Variants in RPIA observed in about 807,000 individuals in gnomAD.
The protein encoded by RPIA is ribose 5-phosphate isomerase A.
Under a neutral mutation model 37.8 loss-of-function variants are expected in RPIA, and 29 were observed. That is an observed-to-expected ratio of 0.77 (90% CI 0.57 to 1.05). RPIA has a LOEUF of 1.05. Ranked by LOEUF, RPIA falls within the 50% of genes least tolerant of loss-of-function variation. The pLI is 0.00. For missense variants in RPIA, 385 were observed against 413.6 expected, an observed-to-expected ratio of 0.93 and a Z score of 0.60; for synonymous variants, 167 against 157.0, an observed-to-expected ratio of 1.06 and a Z score of -0.48.
At chr2:88,703,886 A>G (rs1672864829) in intron 3 of RPIA, among the ~76,000 whole-genome samples, 2 of 152,202 alleles carry the variant, frequency 1.3e-5, no homozygotes, top group Non-Finnish European at 2.9e-5. Context: ...AACAGCACCC[A>G]AGTCACCTCT....
chr2:88,742,645 G>C (rs1031068751), intron 8 of RPIA, among the ~76,000 whole-genome samples: 4 of 152,092 alleles, frequency 2.6e-5, no homozygotes, highest in African/African-American at 9.7e-5. Context: ...GCAGTATATG[G>C]TCATTTTCAC....
intron 3 of RPIA, among the ~76,000 whole-genome samples, chr2:88,705,714 G>A (rs141609774): frequency 2.4e-3 from 373 of 152,266 alleles, no homozygotes; most frequent in African/African-American, 8.5e-3. Context: ...TGACAAATGG[G>A]ATCTAATTAA....
chr2:88,738,931 C>T (rs570718548), intron 8 of RPIA, among the ~76,000 whole-genome samples: 1 of 152,244 alleles, frequency 6.6e-6, no homozygotes, highest in South Asian at 2.1e-4. Flanking sequence ...TGCTGAAGCA[C>T]CAGGCGAGGA....
intron 3 of RPIA, among the ~76,000 whole-genome samples, chr2:88,725,205 A>G (rs1416920117): frequency 1.3e-5 from 2 of 152,194 alleles, no homozygotes; most frequent in Non-Finnish European, 2.9e-5. Flanking sequence ...TGTCTAGCAG[A>G]TGCAGATCTC....
chr2:88,749,400 CT>C (rs1486050518), intron 8 of RPIA, among the ~76,000 whole-genome samples: 1 of 152,124 alleles, frequency 6.6e-6, no homozygotes, highest in African/African-American at 2.4e-5. Flanking sequence ...TGGGTAGCTT[CT>C]TTTGTGAGGT....
Position 88,700,656 on chromosome 2 carries a change from G to GA in RPIA, c.402+602dup, listed in dbSNP as rs141692733. On this transcript the variant is annotated intron_variant, in intron 3 of 8. Transcript: ENST00000283646. Reference sequence around the variant, plus strand: ...GCAACAGAGTGAGACCCTGTCTCAAGAAAAAAAAAATCAGGCTAAAAGGAA... The same window carrying GA: ...GCAACAGAGTGAGACCCTGTCTCAAGAAAAAAAAAAATCAGGCTAAAAGGAA... 9.8e-3 allele frequency among the ~76,000 whole-genome samples: 1,466 copies of GA among 149,406 alleles called. 19 individuals carry two copies. The highest frequency in any genetic ancestry group is 9.5e-3 in the Non-Finnish European group (637 of 67,120).
At chr2:88,717,416 G>GAAAGGCGGGACAACTCGAAGC (rs1451593876) in intron 3 of RPIA, among the ~76,000 whole-genome samples, 3 of 152,290 alleles carry the variant, frequency 2.0e-5, no homozygotes, top group African/African-American at 4.8e-5. Flanking sequence ...GTTTGGTCTG[G>GAAAGGCGGGACAACTCGAAGC]AAAGGCGGGA....
chr2:88,691,989 C>T lies in RPIA; in HGVS notation c.285+6C>T. On this transcript the variant is annotated splice_donor_region_variant and intron_variant, in intron 1 of 8. Transcript: ENST00000283646. ...CTGTGGAGAACCACGTGAGGGTGAG[C>T]ACTTCGAAACGTGGGGCGCGGGGCG... 1 of 1,582,044 alleles carries T rather than the reference C, an allele frequency of 6.3e-7. No homozygotes were observed. Among genetic ancestry groups the T allele is most frequent in the Non-Finnish European group, 8.6e-7 (1 of 1,165,804 alleles).
intron 3 of RPIA, among the ~76,000 whole-genome samples, chr2:88,722,710 A>AT (rs1465113640): frequency 1.6e-4 from 25 of 152,330 alleles, no homozygotes; most frequent in African/African-American, 5.8e-4. Context: ...ACAGCCAAAG[A>AT]GGTCAGGTCA....
Position 88,691,958 on chromosome 2 carries a change from G to T in RPIA, c.260G>T (p.Arg87Leu). ...KAEEAKKLAGRAAVENHVRNN... is the reference protein window; with the variant it reads ...KAEEAKKLAGLAAVENHVRNN... ...GAGGAGGCCAAGAAGCTGGCGGGCC[G>T]CGCGGCTGTGGAGAACCACGTGAGG... The change falls in exon 1 of 9, where the codon CGC (arginine) becomes CTC (leucine). Residue 87 changes from arginine to leucine, a missense_variant. This residue lies in a region of RPIA where 232 missense variants were observed against 203.0 expected (regional missense o/e 1.14). Coordinates refer to ENST00000283646, the MANE Select transcript of RPIA (RefSeq NM_144563.3). 3.1e-6 allele frequency: 5 copies of T among 1,592,110 alleles called. No individual in the cohort carries two copies. Among genetic ancestry groups the T allele is most frequent in the Admixed American group, 1.8e-5 (1 of 56,310 alleles).
intron 5 of RPIA, 58 bp from the exon 6 acceptor site, chr2:88,735,611 T>C: frequency 6.7e-7 from 1 of 1,488,304 alleles, no homozygotes; most frequent in Non-Finnish European, 9.4e-7. Context: ...TATTTAACCT[T>C]AGTTCCCAAA....
At chr2:88,696,089 A>G (rs1341411754) in intron 1 of RPIA, among the ~76,000 whole-genome samples, 2 of 152,140 alleles carry the variant, frequency 1.3e-5, no homozygotes, top group Non-Finnish European at 2.9e-5. Context: ...GAAGGATTTT[A>G]GTTGTGGCCC....
chr2:88,715,298 C>T (rs1242198294), intron 3 of RPIA, among the ~76,000 whole-genome samples: 2 of 152,156 alleles, frequency 1.3e-5, no homozygotes, highest in Non-Finnish European at 2.9e-5. Context: ...TTTTGTTCCT[C>T]TTCGGGGGGA....
At chr2:88,746,194 G>T (rs1237455989) in intron 8 of RPIA, among the ~76,000 whole-genome samples, 2 of 150,780 alleles carry the variant, frequency 1.3e-5, no homozygotes, top group South Asian at 4.2e-4. Flanking sequence ...CTTTAAGTTG[G>T]TTTTCACCTT....
Position 88,750,885 on chromosome 2 carries a change from C to G in RPIA, c.*807C>G, listed in dbSNP as rs886056426. ...CATGGTTTGGCGTCAGAAGTCCTTA[C>G]CTCTTTATATTGTTTGCAGGTTTAA... is the stretch of plus-strand genomic sequence containing the variant. On this transcript the variant is annotated 3_prime_UTR_variant, in exon 9 of 9. Coordinates refer to ENST00000283646, the MANE Select transcript of RPIA (RefSeq NM_144563.3). 2.0e-5 allele frequency: 8 copies of G among 395,684 alleles called. No individual in the cohort carries two copies. Among genetic ancestry groups the G allele is most frequent in the Non-Finnish European group, 3.1e-5 (7 of 224,822 alleles). 24.5% of individuals were successfully genotyped at this position (395,684 alleles called of 1,614,324 possible). A position where few individuals can be genotyped will look rare whatever the true frequency, so the allele number is the denominator to read the frequency against.
rs555744312 is a variant in RPIA, at chr2:88,707,279, TA to T, written c.402+7218del. 1.7e-3 allele frequency among the ~76,000 whole-genome samples: 258 copies of T among 152,198 alleles called. 2 individuals carry two copies. The highest frequency in any genetic ancestry group is 5.8e-3 in the African/African-American group (239 of 41,430). Reference sequence around the variant, plus strand: ...ATTTCTTTTAATCTGTTTAGACTGGTAAATATTGACTTTTCTTGTGATTTTC... The same window carrying T: ...ATTTCTTTTAATCTGTTTAGACTGGTAATATTGACTTTTCTTGTGATTTTC... On this transcript the variant is annotated intron_variant, in intron 3 of 8. Coordinates refer to ENST00000283646, the MANE Select transcript of RPIA (RefSeq NM_144563.3).
intron 3 of RPIA, among the ~76,000 whole-genome samples, chr2:88,716,005 A>G (rs1673031013): frequency 6.6e-6 from 1 of 152,132 alleles, no homozygotes; most frequent in Admixed American, 6.5e-5. Context: ...AAAAAGCTAC[A>G]TACCTCCCTC....
chr2:88,720,651 T>A (rs1250866891), intron 3 of RPIA, among the ~76,000 whole-genome samples: 1 of 150,616 alleles, frequency 6.6e-6, no homozygotes, highest in East Asian at 1.9e-4. Context: ...AGAAATATAT[T>A]TAATAGTTAT....
chr2:88,736,758 T>C, intron 7 of RPIA, 82 bp downstream of exon 7: 1 of 1,483,798 alleles, frequency 6.7e-7, no homozygotes, highest in Non-Finnish European at 9.1e-7. Context: ...TGCAGTTAGG[T>C]CATGTGTGCT....
Sources: gnomAD v4.1 joint callset for allele counts (sites outside exome capture counted in the v4.1 genomes callset) on GRCh38, gnomAD v4.1.1 for gene constraint, gnomAD v4.1.1 regional missense constraint, MANE v1.5 for transcripts, NCBI Gene and HGNC (gene_info 2026-07-23, HGNC 2026-07-21) for gene names.